Variants in AHCYL2 observed in about 807,000 individuals in gnomAD.
The protein encoded by AHCYL2 is S-adenosylhomocysteine hydrolase-like protein 2.
Under a neutral mutation model 81.4 loss-of-function variants are expected in AHCYL2, and 28 were observed. The ratio of observed to expected loss-of-function variants is 0.34; its 90% CI spans 0.25 to 0.47. The LOEUF (loss-of-function observed/expected upper bound fraction) is 0.47. Ranked by LOEUF, AHCYL2 falls within the 20% of genes least tolerant of loss-of-function variation. The probability of loss-of-function intolerance (pLI) is 1.00; values close to 1 mark genes in which losing one functional copy is unlikely to be tolerated. For missense variants in AHCYL2, 551 were observed against 785.1 expected, an observed-to-expected ratio of 0.70 and a Z score of 3.56; for synonymous variants, 272 against 290.2, an observed-to-expected ratio of 0.94 and a Z score of 0.64.
In AHCYL2 at chr7:129,241,861, T is replaced by A. The variant is rs941827741; in HGVS notation, c.363+16422T>A. On this transcript the variant is annotated intron_variant, in intron 1 of 16. Coordinates refer to ENST00000325006, the MANE Select transcript of AHCYL2 (RefSeq NM_015328.4). ...AGTGAGACCCTATCTCTATTTTTTT[T>A]AAAAAAGGGAGACAGAAAAAAAAAA... Among the ~76,000 whole-genome samples the A allele has an allele frequency of 1.1e-4, 17 of 151,844 alleles. No individual in the cohort carries two copies. In the East Asian group the frequency reaches 1.4e-3, roughly 12 times the overall value.
Position 129,311,576 on chromosome 7 carries a change from C to A in AHCYL2, c.364-68062C>A, listed in dbSNP as rs150499568. Among the ~76,000 whole-genome samples the A allele has an allele frequency of 2.6e-4, 39 of 152,158 alleles. 1 individual carries two copies. The East Asian group carries it at 7.5e-3, about 29-fold the overall frequency. ...TCTACACTCTGGTCTTAACCCCACC[C>A]CCCACCGCGCCAGCAACTTGGGCAG... is the stretch of plus-strand genomic sequence containing the variant. On this transcript the variant is annotated intron_variant, in intron 1 of 16. Coordinates refer to ENST00000325006, the MANE Select transcript of AHCYL2 (RefSeq NM_015328.4).
At chr7:129,371,449 CAAG>C (rs1794405867) in intron 1 of AHCYL2, among the ~76,000 whole-genome samples, 1 of 152,190 alleles carries the variant, frequency 6.6e-6, no homozygotes, top group South Asian at 2.1e-4. Context: ...ACCCCAATCT[CAAG>C]AACTGACGAG....
intron 12 of AHCYL2, among the ~76,000 whole-genome samples, chr7:129,422,197 A>G (rs965267512): frequency 6.6e-6 from 1 of 152,116 alleles, no homozygotes; most frequent in Non-Finnish European, 1.5e-5. Flanking sequence ...TGGGAGCTTT[A>G]CTCTACCATT....
In AHCYL2 at chr7:129,425,158, C is replaced by T. The variant is rs545064800; in HGVS notation, c.1708+17C>T. On this transcript the variant is annotated intron_variant, in intron 15 of 16. Coordinates refer to ENST00000325006, the MANE Select transcript of AHCYL2 (RefSeq NM_015328.4). ...AGAAGATGGGTAAGTATTTACTCTTCCATCTCCATCCTTACCAAAGTAGTT... is the reference window on the plus strand; with the variant it reads ...AGAAGATGGGTAAGTATTTACTCTTTCATCTCCATCCTTACCAAAGTAGTT... 81 of 1,604,552 alleles carry T rather than the reference C, an allele frequency of 5.0e-5. 2 individuals carry two copies. In the South Asian group the frequency reaches 8.0e-4, roughly 16 times the overall value.
intron 1 of AHCYL2, among the ~76,000 whole-genome samples, chr7:129,357,921 G>A (rs1306765968): frequency 1.4e-5 from 2 of 146,456 alleles, no homozygotes; most frequent in African/African-American, 2.5e-5. Flanking sequence ...GTGACAGGGC[G>A]AGACTCCATC....
At chr7:129,304,871 C>T (rs1230780351) in intron 1 of AHCYL2, among the ~76,000 whole-genome samples, 3 of 151,370 alleles carry the variant, frequency 2.0e-5, no homozygotes, top group Non-Finnish European at 2.9e-5. Flanking sequence ...GAGTTTAGTC[C>T]ATTTACATTC....
At chr7:129,411,444 AAAT>A (rs1375560709) in intron 11 of AHCYL2, among the ~76,000 whole-genome samples, 1 of 152,278 alleles carries the variant, frequency 6.6e-6, no homozygotes, top group Admixed American at 6.5e-5. Flanking sequence ...GAAGGGGAAA[AAAT>A]AATAATTTTT....
At chr7:129,365,059 C>A (rs1027468116) in intron 1 of AHCYL2, among the ~76,000 whole-genome samples, 2 of 152,094 alleles carry the variant, frequency 1.3e-5, no homozygotes, top group Non-Finnish European at 2.9e-5. Context: ...CCTACTATAT[C>A]GCAGGTATTG....
chr7:129,330,775 T>A (rs1307220532), intron 1 of AHCYL2, among the ~76,000 whole-genome samples: 1 of 152,212 alleles, frequency 6.6e-6, no homozygotes, highest in Non-Finnish European at 1.5e-5. Context: ...GTACATTTTT[T>A]AAAAAAGGAA....
intron 4 of AHCYL2, among the ~76,000 whole-genome samples, chr7:129,390,604 T>A (rs146355499): frequency 1.3e-5 from 2 of 152,318 alleles, no homozygotes. Flanking sequence ...CAGCTTCACC[T>A]CTCTGATTCT....
intron 1 of AHCYL2, among the ~76,000 whole-genome samples, chr7:129,346,999 C>T (rs964499693): frequency 6.6e-6 from 1 of 152,108 alleles, no homozygotes. Context: ...ATGATAGAAG[C>T]TGAAATGCAT....
At chr7:129,375,397 C>T (rs1300775940) in intron 1 of AHCYL2, among the ~76,000 whole-genome samples, 1 of 151,776 alleles carries the variant, frequency 6.6e-6, no homozygotes, top group Non-Finnish European at 1.5e-5. Context: ...TAATTTTTTT[C>T]TAATGAGACT....
chr7:129,415,283 T>G (rs1410023652), intron 12 of AHCYL2, among the ~76,000 whole-genome samples: 3 of 152,248 alleles, frequency 2.0e-5, no homozygotes, highest in Non-Finnish European at 4.4e-5. Flanking sequence ...GAAGTATTCA[T>G]GTCATGCCCT....
intron 1 of AHCYL2, among the ~76,000 whole-genome samples, chr7:129,334,618 A>C (rs975286095): frequency 1.3e-5 from 2 of 152,178 alleles, no homozygotes; most frequent in Non-Finnish European, 2.9e-5. Flanking sequence ...AACAAAGTAC[A>C]CTTGGTAACA....
intron 1 of AHCYL2, among the ~76,000 whole-genome samples, chr7:129,328,242 A>G (rs1584788410): frequency 6.6e-6 from 1 of 152,170 alleles, no homozygotes; most frequent in East Asian, 1.9e-4. Context: ...CAGTGGCACA[A>G]TCTTCGCTCA....
rs781073501 is a variant in AHCYL2, at chr7:129,397,229, T to C, written c.728T>C (p.Met243Thr). Residue 243 changes from methionine to threonine, a missense_variant, in exon 5 of 17, where the codon ATG becomes ACG. By Grantham distance (81) the Met-to-Thr change is moderately conservative. Around this residue, in one of 2 missense-constraint regions of AHCYL2, gnomAD observed 316 missense variants for 543.1 expected, o/e 0.58. Transcript: ENST00000325006. ...GCTTTGTCTTTAATACAGGTGCTTA[T>C]GGAAACTCTGGGTGCTCTGGGGGCC... is the stretch of plus-strand genomic sequence containing the variant. Reference protein sequence around the residue: ...THITAQTAVLMETLGALGAQC... With the variant: ...THITAQTAVLTETLGALGAQC... 5 of 1,613,884 alleles carry C rather than the reference T, an allele frequency of 3.1e-6. No individual in the cohort carries two copies. The highest frequency in any genetic ancestry group is 3.4e-6 in the Non-Finnish European group (4 of 1,179,994).
chr7:129,286,695 A>C (rs1027746343), intron 1 of AHCYL2, among the ~76,000 whole-genome samples: 1 of 152,066 alleles, frequency 6.6e-6, no homozygotes, highest in Non-Finnish European at 1.5e-5. Flanking sequence ...TCCTGACCTC[A>C]AGTGATCCAC....
chr7:129,244,598 G>A (rs1458665920), intron 1 of AHCYL2, among the ~76,000 whole-genome samples: 7 of 152,152 alleles, frequency 4.6e-5, no homozygotes, highest in Non-Finnish European at 1.0e-4. Context: ...GAAGAGGGAA[G>A]GGAATTCTCT....
Position 129,428,194 on chromosome 7 carries a change from T to C in AHCYL2, c.*1149T>C, listed in dbSNP as rs1797439835. 6.6e-6 allele frequency: 1 copy of C among 152,266 alleles called. No homozygotes were observed. Among genetic ancestry groups the C allele is most frequent in the Admixed American group, 6.5e-5 (1 of 15,292 alleles). 9.4% of individuals were successfully genotyped at this position (152,266 alleles called of 1,614,324 possible). On this transcript the variant is annotated 3_prime_UTR_variant, in exon 17 of 17. Transcript: ENST00000325006. ...TAGTTTGAACCTCGTCAGACATTCA[T>C]TCCTTTGGCCATTGCCATGGATGAA...
Sources: gnomAD v4.1 joint callset for allele counts (sites outside exome capture counted in the v4.1 genomes callset) on GRCh38, gnomAD v4.1.1 for gene constraint, gnomAD v4.1.1 regional missense constraint, MANE v1.5 for transcripts, NCBI Gene and HGNC (gene_info 2026-07-23, HGNC 2026-07-21) for gene names.